The following XRN1 variants were observed in gnomAD, a reference collection of about 807,000 sequenced individuals.
The protein encoded by XRN1 is strand-exchange protein 1 homolog.
In XRN1, 67 loss-of-function variants were observed where a neutral mutation model predicts 222.3. That is an observed-to-expected ratio of 0.30 (90% CI 0.25 to 0.37). The LOEUF (loss-of-function observed/expected upper bound fraction) is 0.37. XRN1 is among the 10% of genes least tolerant of loss of function. XRN1 has a pLI of 1.00. For synonymous variants in XRN1, 643 were observed against 652.4 expected (o/e 0.99, Z 0.22); for missense variants, 1,707 against 2,000.2 (o/e 0.85, Z 2.80).
chr3:142,393,571 A>G (rs2067817092), intron 20 of XRN1, among the ~76,000 whole-genome samples: 1 of 151,674 alleles, frequency 6.6e-6, no homozygotes, highest in Non-Finnish European at 1.5e-5. Context: ...AGCACCATTT[A>G]TTAAATAGGG....
chr3:142,414,464 T>C (rs1015018466), intron 13 of XRN1, 173 bp from the exon 14 acceptor site: 12 of 453,616 alleles, frequency 2.6e-5, no homozygotes, highest in African/African-American at 2.0e-4. Flanking sequence ...AAAATTTAGG[T>C]CATCCGATGG....
intron 39 of XRN1, among the ~76,000 whole-genome samples, chr3:142,316,357 T>C (rs944396720): frequency 2.0e-5 from 3 of 151,916 alleles, no homozygotes; most frequent in Non-Finnish European, 4.4e-5. Context: ...GCTGGGACTA[T>C]AGGTGCATGC....
chr3:142,422,557 C>A, intron 8 of XRN1, 25 bp downstream of exon 8: 1 of 1,606,482 alleles, frequency 6.2e-7, no homozygotes, highest in South Asian at 1.1e-5. Context: ...AAAGTATCCT[C>A]GAGAGATTAT....
rs150815536 is a variant in XRN1 at position 142,427,033 on chromosome 3, G to T, written c.309-192C>A. 4.3e-3 allele frequency among the ~76,000 whole-genome samples: 661 copies of T among 152,244 alleles called. 14 individuals carry two copies. The highest frequency in any genetic ancestry group is 0.01 in the Admixed American group (155 of 15,292). ...GACTTGTCTGTTTTGTTTATTTAAAGAATTGAATTTTTCAGGCCAGGTGCA... is the reference window on the plus strand; with the variant it reads ...GACTTGTCTGTTTTGTTTATTTAAATAATTGAATTTTTCAGGCCAGGTGCA... On this transcript the variant is annotated intron_variant, in intron 2 of 40. Coordinates refer to ENST00000392981, the MANE Select transcript of XRN1 (RefSeq NM_001282857.2).
At chr3:142,352,505 A>G (rs1455309210) in intron 32 of XRN1, among the ~76,000 whole-genome samples, 3 of 152,014 alleles carry the variant, frequency 2.0e-5, no homozygotes, top group Non-Finnish European at 4.4e-5. Flanking sequence ...TTTATTATTT[A>G]TATTTATTTT....
intron 30 of XRN1, among the ~76,000 whole-genome samples, chr3:142,359,128 C>T (rs1296021310): frequency 2.0e-5 from 3 of 152,172 alleles, no homozygotes; most frequent in Non-Finnish European, 4.4e-5. Flanking sequence ...TATCATGATA[C>T]TTGTTCCTAT....
At chr3:142,312,527 A>C in intron 40 of XRN1, 71 bp downstream of exon 40, 1 of 1,397,700 alleles carries the variant, frequency 7.2e-7, no homozygotes, top group South Asian at 1.8e-5. Flanking sequence ...AGTAAACTGA[A>C]TAAAAAAATG....
intron 10 of XRN1, 106 bp from the exon 11 acceptor site, chr3:142,418,987 A>G (rs369880840): frequency 2.1e-5 from 21 of 1,021,250 alleles, no homozygotes; most frequent in East Asian, 1.4e-4. Context: ...CTTCCATGTT[A>G]TAACATCCTT....
Position 142,384,571 on chromosome 3 carries a change from T to C in XRN1, c.2454A>G (p.Lys818=), listed in dbSNP as rs201453413. Residue 818 remains lysine, a synonymous_variant, in exon 21 of 41, where the codon AAA becomes AAG. Coordinates refer to ENST00000392981, the MANE Select transcript of XRN1 (RefSeq NM_001282857.2). ...AAGGAACAACTTGTTTTGACCACTG[T>C]TTCTCTAGACGAACTTCACCATTTT... ...INQNGEVRLE[K]QWSKQVVPFV... The C allele has an allele frequency of 1.4e-5, 23 of 1,612,982 alleles. No individual in the cohort carries two copies. The highest frequency in any genetic ancestry group is 1.9e-5 in the Non-Finnish European group (23 of 1,179,584).
chr3:142,427,377 A>C (rs2069303730), intron 2 of XRN1, among the ~76,000 whole-genome samples: 1 of 152,170 alleles, frequency 6.6e-6, no homozygotes, highest in Admixed American at 6.5e-5. Context: ...AGGAATACAG[A>C]AGTAGAACAT....
chr3:142,398,161 C>T (rs1577362103), intron 19 of XRN1, among the ~76,000 whole-genome samples: 2 of 152,208 alleles, frequency 1.3e-5, no homozygotes, highest in East Asian at 1.9e-4. Context: ...GGGAGGATCA[C>T]TTGAGCCCAG....
rs1164667525 is a variant in XRN1, at chr3:142,447,206, AC to A, written c.75+663del. Among the ~76,000 whole-genome samples, 1 of 151,832 alleles carries A rather than the reference AC, an allele frequency of 6.6e-6. No homozygotes were observed. Among genetic ancestry groups the A allele is most frequent in the African/African-American group, 2.4e-5 (1 of 41,286 alleles). ...TAATGTTCTATCAATTCGTTTCCCA[AC>A]CCCCTCTGTCACACAGTGAGGCCTC... On this transcript the variant is annotated intron_variant, in intron 1 of 40. Transcript: ENST00000392981. The surrounding 1 kb of genome is among the most constrained non-coding windows in gnomAD (Gnocchi z 4.2).
chr3:142,319,034 T>C (rs1040973944), intron 37 of XRN1, 131 bp from the exon 38 acceptor site: 2 of 762,246 alleles, frequency 2.6e-6, no homozygotes, highest in African/African-American at 1.8e-5. Flanking sequence ...AAGTTTTCAA[T>C]TGCCAGGCAA....
chr3:142,347,547 T>G (rs2066180252), intron 32 of XRN1, among the ~76,000 whole-genome samples: 1 of 152,128 alleles, frequency 6.6e-6, no homozygotes, highest in South Asian at 2.1e-4. Flanking sequence ...AGATATTTTT[T>G]CTATGCATTA....
chr3:142,364,949 T>C, intron 29 of XRN1, 98 bp downstream of exon 29: 1 of 1,287,548 alleles, frequency 7.8e-7, no homozygotes, highest in Non-Finnish European at 1.0e-6. Context: ...GTTCCTGATT[T>C]ATAGTCACTT....
chr3:142,392,500 G>T (rs189961558), intron 20 of XRN1, among the ~76,000 whole-genome samples: 1 of 152,068 alleles, frequency 6.6e-6, no homozygotes, highest in Non-Finnish European at 1.5e-5. Context: ...ACAGTCCCCA[G>T]AGTGTGATAT....
chr3:142,423,674 T>G lies in XRN1; in HGVS notation c.628-32A>C, dbSNP rs78602272. On this transcript the variant is annotated intron_variant, in intron 5 of 40. Transcript: ENST00000392981. ...AAAAATGATTAAGAAATGTTTTTAT[T>G]CTCCCATTTTTAATAATATTAGGTT... 9.0e-5 allele frequency: 136 copies of G among 1,518,430 alleles called. No homozygotes were observed. In the East Asian group the frequency reaches 2.8e-3, roughly 32 times the overall value. The allele number at this position is 1,518,430 out of a possible 1,614,324, so 94.1% of individuals were successfully genotyped here.
At chr3:142,357,510 T>C (rs2066495545) in intron 30 of XRN1, among the ~76,000 whole-genome samples, 1 of 152,128 alleles carries the variant, frequency 6.6e-6, no homozygotes, top group South Asian at 2.1e-4. Flanking sequence ...CACTGCAGTT[T>C]CGAACTCCTG....
At chr3:142,439,950 G>GCT (rs2070121539) in intron 1 of XRN1, among the ~76,000 whole-genome samples, 1 of 152,170 alleles carries the variant, frequency 6.6e-6, no homozygotes, top group Non-Finnish European at 1.5e-5. Flanking sequence ...GGGAATCACT[G>GCT]GAAGGCCCAC....
Sources: gnomAD v4.1 joint callset for allele counts (sites outside exome capture counted in the v4.1 genomes callset) on GRCh38, gnomAD v4.1.1 for gene constraint, Gnocchi (gnomAD v3.1) non-coding constraint, MANE v1.5 for transcripts, NCBI Gene and HGNC (gene_info 2026-07-23, HGNC 2026-07-21) for gene names.